RAB8B: variants seen among roughly 807,000 people sequenced by gnomAD.
The protein encoded by RAB8B is RAB8B, member RAS oncogene family, also known as ras-related protein Rab-8B.
In RAB8B, 11 loss-of-function variants were observed where a neutral mutation model predicts 32.0. The observed-to-expected ratio is 0.34, with a 90% CI of 0.22 to 0.57. The LOEUF (loss-of-function observed/expected upper bound fraction) is 0.57, where lower values mean the gene tolerates loss of function less well. RAB8B is among the 20% of genes least tolerant of loss of function. The pLI is 0.86. For missense variants in RAB8B, 190 were observed against 258.5 expected, an observed-to-expected ratio of 0.73 and a Z score of 1.82; for synonymous variants, 103 against 89.6, an observed-to-expected ratio of 1.15 and a Z score of -0.85.
intron 1 of RAB8B, among the ~76,000 whole-genome samples, chr15:63,242,571 G>A (rs955593929): frequency 5.3e-5 from 8 of 152,094 alleles, no homozygotes; most frequent in Admixed American, 3.9e-4. Context: ...CCAGCTACTC[G>A]GGAGGCTGAG....
rs554682319 is a variant in RAB8B, at chr15:63,260,021, A to G, written c.480+329A>G. Among the ~76,000 whole-genome samples the G allele has an allele frequency of 2.6e-5, 4 of 151,828 alleles. No homozygotes were observed. The East Asian group carries it at 7.8e-4, about 29-fold the overall frequency. Reference sequence around the variant, plus strand: ...AGCTAATTTTTGTATTTTTAGTAGAAACGGGGTTTCACCATGTTGGCCAGG... The same window carrying G: ...AGCTAATTTTTGTATTTTTAGTAGAGACGGGGTTTCACCATGTTGGCCAGG... On this transcript the variant is annotated intron_variant, in intron 6 of 7. Coordinates refer to ENST00000321437, the MANE Select transcript of RAB8B (RefSeq NM_016530.3).
intron 2 of RAB8B, 100 bp downstream of exon 2, chr15:63,244,916 A>G (rs542848822): frequency 2.0e-6 from 2 of 1,009,264 alleles, no homozygotes; most frequent in Non-Finnish European, 3.0e-6. Context: ...TGATAGCTAA[A>G]ACATCTTTTC....
intron 1 of RAB8B, chr15:63,222,950 T>C: frequency 2.5e-6 from 1 of 399,500 alleles, no homozygotes; most frequent in Non-Finnish European, 4.9e-6. Flanking sequence ...TTGGTGTAGC[T>C]TAGGTGTATA....
chr15:63,225,477 C>T (rs1042969527), intron 1 of RAB8B, among the ~76,000 whole-genome samples: 2 of 152,122 alleles, frequency 1.3e-5, no homozygotes, highest in Admixed American at 1.3e-4. Flanking sequence ...AGACAAATGC[C>T]GCTTGCTTAC....
Position 63,259,887 on chromosome 15 carries a change from T to C in RAB8B, c.480+195T>C. On this transcript the variant is annotated intron_variant, in intron 6 of 7. Transcript: ENST00000321437. This position sits in a 1 kb window ranked among gnomAD's most constrained non-coding sequence, Gnocchi z 4.4. ...GTCTCACTCTGTCGCCAGGCTGGAA[T>C]GCAGTGGCATGATCTCGGCTCACTG... Among the ~76,000 whole-genome samples, 1 of 152,062 alleles carries C rather than the reference T, an allele frequency of 6.6e-6. No individual in the cohort carries two copies. The highest frequency in any genetic ancestry group is 1.9e-4 in the East Asian group (1 of 5,194).
At chr15:63,225,901 C>A (rs1019627030) in intron 1 of RAB8B, among the ~76,000 whole-genome samples, 1 of 152,066 alleles carries the variant, frequency 6.6e-6, no homozygotes, top group African/African-American at 2.4e-5. Context: ...AGTGCAGTGG[C>A]GTGATCATAG....
At chr15:63,205,938 C>T (rs1476520091) in intron 1 of RAB8B, among the ~76,000 whole-genome samples, 3 of 152,194 alleles carry the variant, frequency 2.0e-5, no homozygotes, top group Non-Finnish European at 2.9e-5. Context: ...CAGGAGCTTT[C>T]AGGGCCTGTC....
At position 63,266,923 on chromosome 15, in the gene RAB8B, C is replaced by T. The variant is rs1358187203; in HGVS notation, c.*3304C>T. On this transcript the variant is annotated 3_prime_UTR_variant, in exon 8 of 8. Coordinates refer to ENST00000321437, the MANE Select transcript of RAB8B (RefSeq NM_016530.3). ...CTTAGATTCCTTTACAAATTTAGTT[C>T]TCAATCTTTAAAAACCACATTTCAT... 1 of 152,496 alleles carries T rather than the reference C, an allele frequency of 6.6e-6. No homozygotes were observed. Among genetic ancestry groups the T allele is most frequent in the African/African-American group, 2.4e-5 (1 of 41,414 alleles). 9.4% of individuals were successfully genotyped at this position (152,496 alleles called of 1,614,324 possible). A position where few individuals can be genotyped will look rare whatever the true frequency, so the allele number is the denominator to read the frequency against.
At chr15:63,191,272 G>A (rs930865287) in intron 1 of RAB8B, among the ~76,000 whole-genome samples, 4 of 152,110 alleles carry the variant, frequency 2.6e-5, no homozygotes, top group African/African-American at 7.2e-5. Flanking sequence ...AAATATTTGT[G>A]TATTTTTAAG....
chr15:63,241,835 G>A (rs1024558366), intron 1 of RAB8B, among the ~76,000 whole-genome samples: 2 of 151,998 alleles, frequency 1.3e-5, no homozygotes, highest in African/African-American at 2.4e-5. Context: ...CATATAAAAC[G>A]TAAATCACAA....
chr15:63,206,082 G>T (rs142115741), intron 1 of RAB8B, among the ~76,000 whole-genome samples: 126 of 152,332 alleles, frequency 8.3e-4, no homozygotes, highest in African/African-American at 3.0e-3. Flanking sequence ...TCTGAGGAAT[G>T]ACTCTTGGGT....
intron 1 of RAB8B, among the ~76,000 whole-genome samples, chr15:63,243,746 A>G (rs1344406482): frequency 2.0e-5 from 3 of 152,070 alleles, no homozygotes; most frequent in African/African-American, 7.2e-5. Context: ...TTTCTCAGTC[A>G]TCTTAGTCCA....
chr15:63,209,516 G>A (rs796426894), intron 1 of RAB8B, among the ~76,000 whole-genome samples: 1 of 151,168 alleles, frequency 6.6e-6, no homozygotes, highest in South Asian at 2.1e-4. Context: ...GCTTGAACCC[G>A]GGAGGCGGAG....
At chr15:63,233,397 C>T (rs534044579) in intron 1 of RAB8B, among the ~76,000 whole-genome samples, 1 of 152,150 alleles carries the variant, frequency 6.6e-6, no homozygotes, top group Admixed American at 6.5e-5. Flanking sequence ...TTATTTCTAC[C>T]TTTACATTTT....
At position 63,224,494 on chromosome 15, in the gene RAB8B, GC is replaced by G. The variant is rs571146749; in HGVS notation, c.125-20258del. 5.6e-3 allele frequency among the ~76,000 whole-genome samples: 849 copies of G among 152,226 alleles called. 7 individuals carry two copies. Among genetic ancestry groups the G allele is most frequent in the African/African-American group, 0.018 (758 of 41,530 alleles). On this transcript the variant is annotated intron_variant, in intron 1 of 7. Transcript: ENST00000321437. ...CATATGAGTGGAAAATTACCTAATT[GC>G]CCCATCTCCTTAACATCTCTTATTT... is the stretch of plus-strand genomic sequence containing the variant.
intron 1 of RAB8B, among the ~76,000 whole-genome samples, chr15:63,228,268 G>T (rs1187186414): frequency 6.6e-6 from 1 of 152,102 alleles, no homozygotes; most frequent in Non-Finnish European, 1.5e-5. Context: ...CTCCTGCCTT[G>T]GTCTCCCAAA....
intron 1 of RAB8B, among the ~76,000 whole-genome samples, chr15:63,190,276 C>T (rs1290936232): frequency 2.6e-5 from 4 of 151,746 alleles, no homozygotes; most frequent in Non-Finnish European, 5.9e-5. Context: ...GGGGAATGAG[C>T]GGTCAGGAGG....
rs138272289 is a variant in RAB8B at position 63,210,941 on chromosome 15, G to A, written c.124+21193G>A. Among the ~76,000 whole-genome samples, 294 of 152,340 alleles carry A rather than the reference G, an allele frequency of 1.9e-3. 2 individuals are homozygous for A. The highest frequency in any genetic ancestry group is 3.8e-3 in the Admixed American group (58 of 15,302). On this transcript the variant is annotated intron_variant, in intron 1 of 7. Coordinates refer to ENST00000321437, the MANE Select transcript of RAB8B (RefSeq NM_016530.3). ...TTTCTATCAGCATACTCGAGATACT[G>A]TGTGGTGTGGTTCTAATTAACTTTG...
chr15:63,196,884 A>G (rs908527457), intron 1 of RAB8B, among the ~76,000 whole-genome samples: 3 of 152,214 alleles, frequency 2.0e-5, no homozygotes, highest in Non-Finnish European at 4.4e-5. Context: ...CTGTTTTAAC[A>G]CCCAGCTTCC....
Sources: gnomAD v4.1 joint callset for allele counts (sites outside exome capture counted in the v4.1 genomes callset) on GRCh38, gnomAD v4.1.1 for gene constraint, Gnocchi (gnomAD v3.1) non-coding constraint, MANE v1.5 for transcripts, NCBI Gene and HGNC (gene_info 2026-07-23, HGNC 2026-07-21) for gene names.